DUSP8: variants seen among roughly 807,000 people sequenced by gnomAD.
DUSP8 encodes dual specificity phosphatase 8.
DUSP8 carries 15 observed loss-of-function variants against 38.7 expected under a neutral mutation model. The observed-to-expected ratio is 0.39, with a 90% CI of 0.26 to 0.60. DUSP8 has a LOEUF of 0.60. Among genes scored for constraint, DUSP8 ranks in the 20% least tolerant of loss-of-function variants. The pLI, the probability that DUSP8 is intolerant of heterozygous loss-of-function variation, is 0.56. For missense variants in DUSP8, 768 were observed against 915.0 expected, an observed-to-expected ratio of 0.84 and a Z score of 2.07; for synonymous variants, 458 against 433.9, an observed-to-expected ratio of 1.06 and a Z score of -0.69.
In DUSP8 at chr11:1,559,000, A is replaced by G. The variant is rs753548570; in HGVS notation, c.426T>C (p.Ala142=). 16 of 1,610,688 alleles carry G rather than the reference A, an allele frequency of 9.9e-6. No homozygotes were observed. In the African/African-American group the frequency reaches 2.1e-4, roughly 22 times the overall value. The change falls in exon 4 of 7, where the codon GCT becomes GCC. Residue 142 remains alanine (A), a synonymous_variant. Coordinates refer to ENST00000397374, the MANE Select transcript of DUSP8 (RefSeq NM_004420.3). The surrounding 1 kb of genome is among the most constrained non-coding windows in gnomAD (Gnocchi z 6.3). ...GGGAGAGGCTCATGGGTAGCAGGGC[A>G]GCAGGCTTGCCCTCGCAGAGGCCGG... ...CFPGLCEGKP[A]ALLPMSLSQP...
Position 1,555,330 on chromosome 11 carries a change from G to A in DUSP8, c.*1188C>T. 1.0e-6 allele frequency: 1 copy of A among 987,892 alleles called. No homozygotes were observed. The highest frequency in any genetic ancestry group is 1.2e-6 in the Non-Finnish European group (1 of 830,238). The allele number at this position is 987,892 out of a possible 1,614,324, so 61.2% of individuals were successfully genotyped here. A position where few individuals can be genotyped will look rare whatever the true frequency, so the allele number is the denominator to read the frequency against. On this transcript the variant is annotated 3_prime_UTR_variant, in exon 7 of 7. Coordinates refer to ENST00000397374, the MANE Select transcript of DUSP8 (RefSeq NM_004420.3). ...GGGGGCAAACGAGGGGGCTTTACCT[G>A]TCTTGAGGCAGTGCTCCCTAAGTGA... is the stretch of plus-strand genomic sequence containing the variant.
chr11:1,557,935 G>A lies in DUSP8; in HGVS notation c.698-18C>T. The A allele has an allele frequency of 6.2e-7, 1 of 1,613,722 alleles. No individual in the cohort carries two copies. The highest frequency in any genetic ancestry group is 2.2e-5 in the East Asian group (1 of 44,876). ...GGCTTTATCTGGGCAGGTGGGCCAT[G>A]GGGGCCAGGTGAGGGCTAAGACTGC... On this transcript the variant is annotated intron_variant, in intron 5 of 6. Coordinates refer to ENST00000397374, the MANE Select transcript of DUSP8 (RefSeq NM_004420.3). This position sits in a 1 kb window ranked among gnomAD's most constrained non-coding sequence, Gnocchi z 9.9.
At position 1,554,972 on chromosome 11, in the gene DUSP8, C is replaced by T; in HGVS notation, c.*1546G>A. On this transcript the variant is annotated 3_prime_UTR_variant, in exon 7 of 7. Coordinates refer to ENST00000397374, the MANE Select transcript of DUSP8 (RefSeq NM_004420.3). ...ACAGAGCTGTGGGTGAAAAGAAGAA[C>T]AAATAGAAGAAACAGCAGAGAGGGC... The T allele has an allele frequency of 1.0e-6, 1 of 986,204 alleles. No homozygotes were observed. Among genetic ancestry groups the T allele is most frequent in the Non-Finnish European group, 1.2e-6 (1 of 830,260 alleles). 61.1% of individuals were successfully genotyped at this position (986,204 alleles called of 1,614,324 possible).
At position 1,560,274 on chromosome 11, in the gene DUSP8, G is replaced by A. The variant is rs143797834; in HGVS notation, c.371-1219C>T. ...GAGCTCAGGGCCTGGGAACCCCAGGGCTCTTTTTTGTCCTGGTTTGCAGAA... is the reference window on the plus strand; with the variant it reads ...GAGCTCAGGGCCTGGGAACCCCAGGACTCTTTTTTGTCCTGGTTTGCAGAA... On this transcript the variant is annotated intron_variant, in intron 3 of 6. Coordinates refer to ENST00000397374, the MANE Select transcript of DUSP8 (RefSeq NM_004420.3). Among the ~76,000 whole-genome samples the A allele has an allele frequency of 2.6e-4, 39 of 152,272 alleles. No individual in the cohort carries two copies. The East Asian group carries it at 7.2e-3, about 28-fold the overall frequency.
intron 1 of DUSP8, among the ~76,000 whole-genome samples, chr11:1,570,365 C>A (rs1385007965): frequency 6.6e-6 from 1 of 152,172 alleles, no homozygotes; most frequent in African/African-American, 2.4e-5. Flanking sequence ...CAGAGTCCAA[C>A]CACCTCTCTC....
intron 3 of DUSP8, among the ~76,000 whole-genome samples, chr11:1,560,396 G>C (rs1848698368): frequency 6.6e-6 from 1 of 152,140 alleles, no homozygotes; most frequent in Admixed American, 6.5e-5. Flanking sequence ...CTGCTGGGTG[G>C]AGTAGAGCCA....
At chr11:1,560,044 C>G (rs1019302837) in intron 3 of DUSP8, among the ~76,000 whole-genome samples, 2 of 152,146 alleles carry the variant, frequency 1.3e-5, no homozygotes, top group African/African-American at 4.8e-5. Context: ...GGGGCGACCA[C>G]CGATGTGGAC....
chr11:1,558,037 T>TC lies in DUSP8; in HGVS notation c.697+74dup, dbSNP rs1848662985. The TC allele has an allele frequency of 4.3e-6, 7 of 1,610,932 alleles. No homozygotes were observed. The highest frequency in any genetic ancestry group is 5.9e-6 in the Non-Finnish European group (7 of 1,178,784). ...GTTCCGGCTACTTCCTGGGGACCCC[T>TC]CCTGTGTCTGTGGCCACACACAGCT... is the stretch of plus-strand genomic sequence containing the variant. On this transcript the variant is annotated intron_variant, in intron 5 of 6. Coordinates refer to ENST00000397374, the MANE Select transcript of DUSP8 (RefSeq NM_004420.3). The surrounding 1 kb of genome is among the most constrained non-coding windows in gnomAD (Gnocchi z 6.3).
At chr11:1,559,145 T>C in intron 3 of DUSP8, 90 bp from the exon 4 acceptor site, 2 of 1,313,454 alleles carry the variant, frequency 1.5e-6, no homozygotes, top group Non-Finnish European at 1.0e-6. Context: ...GCACCCCATC[T>C]ACTGCTGAGG....
Position 1,556,336 on chromosome 11 carries a change from G to T in DUSP8, c.*182C>A. ...ATACCAGACAGTAAAAATAGAGCTC[G>T]AGGACCACCCGCACTGTTGCCAAAT... On this transcript the variant is annotated 3_prime_UTR_variant, in exon 7 of 7. Transcript: ENST00000397374. This position sits in a 1 kb window ranked among gnomAD's most constrained non-coding sequence, Gnocchi z 5.2. 2.6e-6 allele frequency: 2 copies of T among 782,288 alleles called. No individual in the cohort carries two copies. The highest frequency in any genetic ancestry group is 6.8e-5 in the East Asian group (2 of 29,466). 48.5% of individuals were successfully genotyped at this position (782,288 alleles called of 1,614,324 possible). A position where few individuals can be genotyped will look rare whatever the true frequency, so the allele number is the denominator to read the frequency against.
intron 1 of DUSP8, among the ~76,000 whole-genome samples, chr11:1,571,089 G>A (rs1848883945): frequency 6.6e-6 from 1 of 152,172 alleles, no homozygotes; most frequent in South Asian, 2.1e-4. Context: ...CCCGCAGCAG[G>A]GAGACGGAGG....
At chr11:1,562,995 A>G (rs1848746209) in intron 3 of DUSP8, among the ~76,000 whole-genome samples, 1 of 152,134 alleles carries the variant, frequency 6.6e-6, no homozygotes, top group African/African-American at 2.4e-5. Flanking sequence ...AGTCGCCCTC[A>G]GGCTGGGTGA....
Position 1,565,930 on chromosome 11 carries a change from T to TA in DUSP8, c.-105_-104insT. ...CTGGGAGTGACCTAGCACATGGTGC[T>TA]GGACCTGCAGGGACAGGGGGATGGT... On this transcript the variant is annotated 5_prime_UTR_variant, in exon 2 of 7. Coordinates refer to ENST00000397374, the MANE Select transcript of DUSP8 (RefSeq NM_004420.3). The TA allele has an allele frequency of 3.0e-6, 3 of 985,280 alleles. No individual in the cohort carries two copies. Among genetic ancestry groups the TA allele is most frequent in the Non-Finnish European group, 4.7e-6 (3 of 639,672 alleles). 61.0% of individuals were successfully genotyped at this position (985,280 alleles called of 1,614,324 possible). A position where few individuals can be genotyped will look rare whatever the true frequency, so the allele number is the denominator to read the frequency against.
chr11:1,567,105 C>T (rs1035701667), intron 1 of DUSP8, among the ~76,000 whole-genome samples: 3 of 152,172 alleles, frequency 2.0e-5, no homozygotes, highest in East Asian at 1.9e-4. Flanking sequence ...CACAGATGGG[C>T]ACTGGGTGTC....
Position 1,554,781 on chromosome 11 carries a change from G to T in DUSP8, c.*1737C>A. The stretch of plus-strand genomic sequence containing the variant: ...ACCCAACGCAACAGACATATGGGAG[G>T]CAAATTTACATAATTAATAATAATT... On this transcript the variant is annotated 3_prime_UTR_variant, in exon 7 of 7. Coordinates refer to ENST00000397374, the MANE Select transcript of DUSP8 (RefSeq NM_004420.3). The T allele has an allele frequency of 2.0e-6, 1 of 510,154 alleles. No homozygotes were observed. The highest frequency in any genetic ancestry group is 2.5e-6 in the Non-Finnish European group (1 of 395,178). 31.6% of individuals were successfully genotyped at this position (510,154 alleles called of 1,614,324 possible).
intron 1 of DUSP8, among the ~76,000 whole-genome samples, chr11:1,566,387 C>T (rs1050974058): frequency 1.3e-5 from 2 of 152,112 alleles, no homozygotes; most frequent in African/African-American, 4.8e-5. Flanking sequence ...CACACCTGCC[C>T]CTCTCTCCCT....
intron 1 of DUSP8, chr11:1,571,537 CGGGACGTCG>C (rs1325653532): frequency 4.6e-5 from 7 of 152,230 alleles, no homozygotes; most frequent in Admixed American, 4.6e-4. Flanking sequence ...GGGTGACGTT[CGGGACGTCG>C]GGGGCTCGCG....
intron 1 of DUSP8, among the ~76,000 whole-genome samples, chr11:1,568,589 C>T (rs1423601029): frequency 1.3e-5 from 2 of 152,196 alleles, no homozygotes; most frequent in Admixed American, 6.5e-5. Context: ...ATGGAGCAGG[C>T]TCCTCTGCAG....
intron 1 of DUSP8, chr11:1,571,691 C>A (rs1369427159): frequency 6.6e-6 from 1 of 151,710 alleles, no homozygotes; most frequent in Non-Finnish European, 1.5e-5. Flanking sequence ...CCCGGGTCCG[C>A]CGGGCGTTGC....
Sources: gnomAD v4.1 joint callset for allele counts (sites outside exome capture counted in the v4.1 genomes callset) on GRCh38, gnomAD v4.1.1 for gene constraint, Gnocchi (gnomAD v3.1) non-coding constraint, MANE v1.5 for transcripts, NCBI Gene and HGNC (gene_info 2026-07-23, HGNC 2026-07-21) for gene names.